The following CAMKMT variants were observed in gnomAD, a reference collection of about 807,000 sequenced individuals.
CAMKMT encodes the protein calmodulin-lysine N-methyltransferase, also known as CaM KMT.
A neutral mutation model predicts 48.0 loss-of-function variants in CAMKMT; 53 were observed. That is an observed-to-expected ratio of 1.10 (90% confidence interval 0.89 to 1.39). CAMKMT has a LOEUF of 1.39. Among genes scored for constraint, CAMKMT ranks in the 40% most tolerant of loss-of-function variants. CAMKMT has a pLI of 0.00. For missense variants in CAMKMT, 428 were observed against 402.7 expected (o/e 1.06, Z -0.54); for synonymous variants, 165 against 152.3 (o/e 1.08, Z -0.61).
At chr2:44,539,407 T>C (rs1431143541) in intron 3 of CAMKMT, among the ~76,000 whole-genome samples, 1 of 152,154 alleles carries the variant, frequency 6.6e-6, no homozygotes. Flanking sequence ...TGATATCCCT[T>C]TACTTAAAAG....
At chr2:44,447,931 T>C (rs1040708512) in intron 3 of CAMKMT, among the ~76,000 whole-genome samples, 2 of 152,382 alleles carry the variant, frequency 1.3e-5, no homozygotes, top group African/African-American at 4.8e-5. Flanking sequence ...TCTGTTTTAA[T>C]GTATTCTTAT....
At chr2:44,576,460 A>G (rs1317044877) in intron 3 of CAMKMT, among the ~76,000 whole-genome samples, 2 of 152,198 alleles carry the variant, frequency 1.3e-5, no homozygotes, top group African/African-American at 4.8e-5. Flanking sequence ...AGTAGCCTCA[A>G]TATATTTCAA....
intron 3 of CAMKMT, among the ~76,000 whole-genome samples, chr2:44,688,466 T>G (rs550145871): frequency 6.6e-6 from 1 of 151,254 alleles, no homozygotes; most frequent in Non-Finnish European, 1.5e-5. Flanking sequence ...CAGCCAGCTC[T>G]CATACATATA....
At chr2:44,404,552 T>C (rs950094074) in intron 3 of CAMKMT, among the ~76,000 whole-genome samples, 2 of 152,176 alleles carry the variant, frequency 1.3e-5, no homozygotes, top group African/African-American at 2.4e-5. Flanking sequence ...TCAAATAGCA[T>C]GCCCTATTCC....
chr2:44,534,773 G>A (rs1015823356), intron 3 of CAMKMT, among the ~76,000 whole-genome samples: 2 of 152,004 alleles, frequency 1.3e-5, no homozygotes, highest in African/African-American at 4.8e-5. Context: ...CATCAAAAAA[G>A]TAGAAAGATT....
At chr2:44,577,680 A>AGAGAGGGAGAGGGAGACG (rs1195710401) in intron 3 of CAMKMT, among the ~76,000 whole-genome samples, 2 of 148,556 alleles carry the variant, frequency 1.3e-5, no homozygotes, top group Non-Finnish European at 3.0e-5. Flanking sequence ...AGAGGGAGAC[A>AGAGAGGGAGAGGGAGACG]GAGAGGGAGA....
At chr2:44,465,876 A>C (rs1668084590) in intron 3 of CAMKMT, among the ~76,000 whole-genome samples, 1 of 152,194 alleles carries the variant, frequency 6.6e-6, no homozygotes, top group African/African-American at 2.4e-5. Flanking sequence ...CCAAAGGAAA[A>C]AGGAGGTTAG....
At chr2:44,600,601 T>A (rs1257927784) in intron 3 of CAMKMT, among the ~76,000 whole-genome samples, 1 of 152,110 alleles carries the variant, frequency 6.6e-6, no homozygotes, top group Non-Finnish European at 1.5e-5. Flanking sequence ...CTTTTCTCTG[T>A]AAATGTTTTG....
At chr2:44,570,219 C>T (rs1464662748) in intron 3 of CAMKMT, among the ~76,000 whole-genome samples, 1 of 151,974 alleles carries the variant, frequency 6.6e-6, no homozygotes, top group African/African-American at 2.4e-5. Context: ...TGTATCAGAC[C>T]CATTGAGTTT....
At chr2:44,712,164 A>G (rs57106450) in intron 6 of CAMKMT, among the ~76,000 whole-genome samples, 1,880 of 152,166 alleles carry the variant, frequency 0.012, 34 homozygotes, top group African/African-American at 0.042. Flanking sequence ...CACATTAAGC[A>G]TTAAAAAAAA....
chr2:44,474,631 C>A (rs762766783), intron 3 of CAMKMT, among the ~76,000 whole-genome samples: 7 of 152,044 alleles, frequency 4.6e-5, no homozygotes, highest in Non-Finnish European at 7.4e-5. Flanking sequence ...CCCAACTAGA[C>A]CTATAATCTC....
At chr2:44,718,608 CT>C (rs1678295857) in intron 7 of CAMKMT, among the ~76,000 whole-genome samples, 1 of 152,182 alleles carries the variant, frequency 6.6e-6, no homozygotes, top group Non-Finnish European at 1.5e-5. Flanking sequence ...AAAATTGTGA[CT>C]GTTTAACAAA....
chr2:44,604,200 A>T (rs1456801625), intron 3 of CAMKMT, among the ~76,000 whole-genome samples: 2 of 152,220 alleles, frequency 1.3e-5, no homozygotes, highest in Non-Finnish European at 2.9e-5. Context: ...CAAGGAAAGG[A>T]ATACAGATTT....
At chr2:44,558,918 C>A (rs1545546) in intron 3 of CAMKMT, among the ~76,000 whole-genome samples, 84,097 of 151,660 alleles carry the variant, frequency 0.55, 24,942 homozygotes, top group Admixed American at 0.66. Flanking sequence ...GAATACATAC[C>A]CCCTGAACCT....
intron 6 of CAMKMT, among the ~76,000 whole-genome samples, chr2:44,710,574 A>G (rs530110649): frequency 1.3e-5 from 2 of 152,222 alleles, no homozygotes; most frequent in Admixed American, 6.5e-5. Context: ...TGGTTTGTCC[A>G]GTTCTCAAAT....
intron 3 of CAMKMT, among the ~76,000 whole-genome samples, chr2:44,685,883 G>A (rs1161618090): frequency 1.3e-5 from 2 of 152,082 alleles, no homozygotes; most frequent in East Asian, 1.9e-4. Context: ...TTTTGATGAG[G>A]TCAGATTTTT....
chr2:44,566,531 T>C (rs991022044), intron 3 of CAMKMT, among the ~76,000 whole-genome samples: 1 of 152,208 alleles, frequency 6.6e-6, no homozygotes, highest in Non-Finnish European at 1.5e-5. Context: ...ACACAGGGGC[T>C]GTCCTAAAGG....
intron 4 of CAMKMT, among the ~76,000 whole-genome samples, chr2:44,704,609 G>A (rs1475136207): frequency 4.6e-5 from 7 of 150,790 alleles, no homozygotes. Flanking sequence ...TTCCACTCAA[G>A]GCATTTTATT....
chr2:44,659,047 T>C (rs1045558240), intron 3 of CAMKMT, among the ~76,000 whole-genome samples: 6 of 151,606 alleles, frequency 4.0e-5, no homozygotes, highest in Admixed American at 3.9e-4. Context: ...TGGTTTTTAT[T>C]ATAAAACCAC....
Sources: gnomAD v4.1 joint callset for allele counts (sites outside exome capture counted in the v4.1 genomes callset) on GRCh38, gnomAD v4.1.1 for gene constraint, MANE v1.5 for transcripts, NCBI Gene and HGNC (gene_info 2026-07-23, HGNC 2026-07-21) for gene names.